The following FER variants were observed in gnomAD, a reference collection of about 807,000 sequenced individuals.
FER encodes tyrosine-protein kinase Fer.
A neutral mutation model predicts 111.0 loss-of-function variants in FER; 63 were observed. That is an observed-to-expected ratio of 0.57 (90% CI 0.46 to 0.70). FER has a LOEUF of 0.70. Ranked by LOEUF, FER falls within the 30% of genes least tolerant of loss-of-function variation. The pLI is 0.00. For missense variants in FER, 914 were observed against 954.0 expected (o/e 0.96, Z 0.55); for synonymous variants, 327 against 313.9 (o/e 1.04, Z -0.44).
At chr5:108,875,524 T>G (rs1441490783) in intron 8 of FER, among the ~76,000 whole-genome samples, 1 of 152,138 alleles carries the variant, frequency 6.6e-6, no homozygotes, top group African/African-American at 2.4e-5. Flanking sequence ...TACTATTTAA[T>G]TGAATAATTT....
At chr5:108,993,889 CT>C (rs1020019688) in intron 13 of FER, among the ~76,000 whole-genome samples, 5 of 151,882 alleles carry the variant, frequency 3.3e-5, no homozygotes, top group South Asian at 2.1e-4. Flanking sequence ...TGATGTTGAG[CT>C]TTTTTTTCAT....
intron 3 of FER, among the ~76,000 whole-genome samples, chr5:108,815,166 A>T (rs1758153129): frequency 6.6e-6 from 1 of 152,178 alleles, no homozygotes; most frequent in African/African-American, 2.4e-5. Flanking sequence ...ATTACAAATA[A>T]TGCTGCAATG....
chr5:108,830,511 GTT>G (rs1399648745), intron 3 of FER: 1 of 152,102 alleles, frequency 6.6e-6, no homozygotes, highest in Non-Finnish European at 1.5e-5. Flanking sequence ...CCAATGTAGT[GTT>G]TTAAGGGAGA....
At chr5:109,173,716 A>G (rs761169031) in intron 17 of FER, among the ~76,000 whole-genome samples, 4 of 151,818 alleles carry the variant, frequency 2.6e-5, no homozygotes, top group Non-Finnish European at 5.9e-5. Flanking sequence ...CTATTCAAAT[A>G]ATTTCTGCTA....
chr5:109,014,857 T>G (rs1766834487), intron 13 of FER: 1 of 152,322 alleles, frequency 6.6e-6, no homozygotes, highest in South Asian at 2.1e-4. Flanking sequence ...GCTTAATGAA[T>G]TTGCGTGTCA....
At chr5:108,866,366 A>G (rs1231396044) in intron 5 of FER, among the ~76,000 whole-genome samples, 3 of 152,170 alleles carry the variant, frequency 2.0e-5, no homozygotes. Flanking sequence ...GTTCTCACCC[A>G]TAGGTGGGTA....
At chr5:108,898,654 C>T (rs1301541833) in intron 10 of FER, among the ~76,000 whole-genome samples, 1 of 143,206 alleles carries the variant, frequency 7.0e-6, no homozygotes, top group Non-Finnish European at 1.5e-5. Flanking sequence ...TTTCCTTTCT[C>T]TCTTCCTCTT....
At chr5:108,935,191 A>G (rs979770750) in intron 10 of FER, among the ~76,000 whole-genome samples, 3 of 152,092 alleles carry the variant, frequency 2.0e-5, no homozygotes, top group Non-Finnish European at 4.4e-5. Context: ...CTTCTTTCAC[A>G]GTTCGGGAGG....
At chr5:109,089,287 C>T (rs1777904200) in intron 16 of FER, among the ~76,000 whole-genome samples, 1 of 152,152 alleles carries the variant, frequency 6.6e-6, no homozygotes, top group Non-Finnish European at 1.5e-5. Flanking sequence ...AGAGAAAACA[C>T]ATAGTGAAAA....
At chr5:109,144,809 T>C (rs1025147361) in intron 17 of FER, among the ~76,000 whole-genome samples, 5 of 152,052 alleles carry the variant, frequency 3.3e-5, no homozygotes, top group Non-Finnish European at 5.9e-5. Flanking sequence ...TTAGGAGATA[T>C]GAGGACAAAT....
chr5:108,931,645 C>A (rs1343359753), intron 10 of FER, among the ~76,000 whole-genome samples: 18 of 152,056 alleles, frequency 1.2e-4, no homozygotes, highest in Non-Finnish European at 1.5e-5. Flanking sequence ...GCCTGGCCAA[C>A]ATGGTGAAAC....
At chr5:109,140,215 G>T (rs948202987) in intron 17 of FER, among the ~76,000 whole-genome samples, 5 of 152,112 alleles carry the variant, frequency 3.3e-5, no homozygotes, top group Non-Finnish European at 5.9e-5. Context: ...AAATGGAAAA[G>T]AATACATTCC....
At chr5:108,802,479 C>G (rs1756769944) in intron 3 of FER, among the ~76,000 whole-genome samples, 1 of 151,970 alleles carries the variant, frequency 6.6e-6, no homozygotes, top group African/African-American at 2.4e-5. Flanking sequence ...GCATAATACC[C>G]AATAGTTTTT....
chr5:108,765,574 T>C (rs571701057), intron 1 of FER, among the ~76,000 whole-genome samples: 40 of 152,244 alleles, frequency 2.6e-4, no homozygotes, highest in Admixed American at 1.2e-3. Flanking sequence ...GGGCTAGCTT[T>C]CCTGAGCAAG....
At chr5:108,775,422 A>G (rs921954236) in intron 2 of FER, among the ~76,000 whole-genome samples, 1 of 152,216 alleles carries the variant, frequency 6.6e-6, no homozygotes, top group Non-Finnish European at 1.5e-5. Flanking sequence ...TGATTCCCTA[A>G]TAAATGCCTG....
intron 13 of FER, among the ~76,000 whole-genome samples, chr5:109,021,731 G>A (rs1319272533): frequency 1.3e-5 from 2 of 151,808 alleles, no homozygotes; most frequent in Admixed American, 1.3e-4. Flanking sequence ...AAGATTAATT[G>A]AAAAGCAAAA....
chr5:109,104,262 A>T (rs1157728671), intron 17 of FER, among the ~76,000 whole-genome samples: 1 of 152,210 alleles, frequency 6.6e-6, no homozygotes, highest in Non-Finnish European at 1.5e-5. Flanking sequence ...TGCATTGAAG[A>T]CATTGATATT....
intron 16 of FER, among the ~76,000 whole-genome samples, chr5:109,055,429 T>C (rs1312928088): frequency 6.6e-6 from 1 of 152,212 alleles, no homozygotes; most frequent in Non-Finnish European, 1.5e-5. Context: ...AAGGGGTTAA[T>C]ATCCAAAATG....
intron 13 of FER, among the ~76,000 whole-genome samples, chr5:108,999,292 A>G (rs1160583095): frequency 6.6e-6 from 1 of 152,144 alleles, no homozygotes; most frequent in Non-Finnish European, 1.5e-5. Context: ...CAATTTTACT[A>G]TTCTGTAACC....
Sources: gnomAD v4.1 joint callset for allele counts (sites outside exome capture counted in the v4.1 genomes callset) on GRCh38, gnomAD v4.1.1 for gene constraint, MANE v1.5 for transcripts, NCBI Gene and HGNC (gene_info 2026-07-23, HGNC 2026-07-21) for gene names.